MAF: variants seen among roughly 807,000 people sequenced by gnomAD.
MAF encodes the protein transcription factor Maf.
In MAF, 10 loss-of-function variants were observed where a neutral mutation model predicts 22.0. The ratio of observed to expected loss-of-function variants is 0.45; its 90% CI spans 0.28 to 0.77. The LOEUF is 0.77. Ranked by LOEUF, MAF falls within the 30% of genes least tolerant of loss-of-function variation. MAF has a pLI of 0.12. For synonymous variants in MAF, 337 were observed against 255.8 expected (o/e 1.32, Z -3.03); for missense variants, 544 against 548.4 (o/e 0.99, Z 0.08).
chr16:79,431,667 G>C, the MAF span, among the ~76,000 whole-genome samples: 1 of 152,158 alleles, frequency 6.6e-6, no homozygotes, highest in South Asian at 2.1e-4. Context: ...ATGCTAACCT[G>C]TGTTTTCCGA....
At chr16:79,447,426 G>A in the MAF span, among the ~76,000 whole-genome samples, 7 of 152,242 alleles carry the variant, frequency 4.6e-5, no homozygotes, top group Middle Eastern at 3.4e-3. Context: ...TGTACAAGGT[G>A]ATGGATGTTG....
chr16:79,441,452 C>G, the MAF span, among the ~76,000 whole-genome samples: 6 of 152,204 alleles, frequency 3.9e-5, no homozygotes, highest in Non-Finnish European at 8.8e-5. Flanking sequence ...CCACTCAGCT[C>G]TGCTGTTGAA....
At chr16:79,328,321 G>A in the MAF span, among the ~76,000 whole-genome samples, 2 of 151,934 alleles carry the variant, frequency 1.3e-5, no homozygotes, top group Non-Finnish European at 2.9e-5. Context: ...GCATTTGGAA[G>A]AGCCTAGAGA....
the MAF span, among the ~76,000 whole-genome samples, chr16:79,532,837 G>A: frequency 6.6e-6 from 1 of 152,138 alleles, no homozygotes; most frequent in African/African-American, 2.4e-5. Context: ...ACCTTGTCTC[G>A]CCCTCCCCAA....
the MAF span, among the ~76,000 whole-genome samples, chr16:79,546,767 A>C: frequency 4.6e-5 from 7 of 152,272 alleles, no homozygotes; most frequent in African/African-American, 1.7e-4. Context: ...TCGTGTGCAT[A>C]TGTGTGACCC....
chr16:79,438,937 G>T, the MAF span, among the ~76,000 whole-genome samples: 1 of 152,110 alleles, frequency 6.6e-6, no homozygotes, highest in African/African-American at 2.4e-5. Flanking sequence ...TCCTCATCAT[G>T]TGAGAGACTG....
At chr16:79,433,036 G>A in the MAF span, among the ~76,000 whole-genome samples, 1 of 152,116 alleles carries the variant, frequency 6.6e-6, no homozygotes, top group Non-Finnish European at 1.5e-5. Context: ...CTTCCTTCAT[G>A]TAACTGACTA....
At chr16:79,508,852 AGGCTCGG>A in the MAF span, among the ~76,000 whole-genome samples, 2 of 152,152 alleles carry the variant, frequency 1.3e-5, no homozygotes, top group Non-Finnish European at 2.9e-5. Flanking sequence ...ACAGTTCCCA[AGGCTCGG>A]GGAGAGGGAA....
the MAF span, among the ~76,000 whole-genome samples, chr16:79,290,316 T>C: frequency 1.5e-4 from 23 of 152,324 alleles, no homozygotes; most frequent in African/African-American, 5.5e-4. Context: ...GCTTTTCATA[T>C]TAATTTCCCA....
chr16:79,570,750 G>A, the MAF span, among the ~76,000 whole-genome samples: 8 of 152,178 alleles, frequency 5.3e-5, no homozygotes, highest in Non-Finnish European at 1.2e-4. Flanking sequence ...CCCAGATGTG[G>A]AATTGAGAAG....
At chr16:79,423,929 G>A in the MAF span, among the ~76,000 whole-genome samples, 2 of 152,272 alleles carry the variant, frequency 1.3e-5, no homozygotes, top group South Asian at 4.1e-4. Context: ...AAAATGGAAA[G>A]AAAACCAATT....
chr16:79,271,826 G>A, the MAF span, among the ~76,000 whole-genome samples: 1 of 152,230 alleles, frequency 6.6e-6, no homozygotes, highest in East Asian at 1.9e-4. Context: ...TATGGAGCTT[G>A]GTGGCACCAC....
At chr16:79,382,335 G>C in the MAF span, among the ~76,000 whole-genome samples, 4 of 152,178 alleles carry the variant, frequency 2.6e-5, no homozygotes, top group Admixed American at 6.5e-5. Flanking sequence ...ATTTAATGGA[G>C]AATGCATATG....
chr16:79,389,976 C>CAAAAAAAAA, the MAF span, among the ~76,000 whole-genome samples: 2 of 62,964 alleles, frequency 3.2e-5, no homozygotes, highest in African/African-American at 6.9e-5. Context: ...GACTCCATCT[C>CAAAAAAAAA]AAAAAAAAAA....
chr16:79,337,557 G>C, the MAF span, among the ~76,000 whole-genome samples: 1 of 79,676 alleles, frequency 1.3e-5, no homozygotes, highest in African/African-American at 5.0e-5. Context: ...GACAGAGCGA[G>C]ATTCCGTCTC....
chr16:79,444,537 G>A, the MAF span, among the ~76,000 whole-genome samples: 1 of 152,048 alleles, frequency 6.6e-6, no homozygotes, highest in Admixed American at 6.6e-5. Context: ...CATCTTAAAG[G>A]GCCATACTGA....
At chr16:79,529,680 G>A in the MAF span, among the ~76,000 whole-genome samples, 119 of 152,306 alleles carry the variant, frequency 7.8e-4, no homozygotes, top group Middle Eastern at 6.8e-3. Flanking sequence ...ATTATTTTAG[G>A]CTGGGCGCGG....
At chr16:79,334,694 C>A in the MAF span, among the ~76,000 whole-genome samples, 1 of 152,084 alleles carries the variant, frequency 6.6e-6, no homozygotes, top group Non-Finnish European at 1.5e-5. Flanking sequence ...TGTACAGAGC[C>A]CATACCCATG....
chr16:79,551,697 A>G, the MAF span, among the ~76,000 whole-genome samples: 8 of 152,336 alleles, frequency 5.3e-5, no homozygotes, highest in African/African-American at 1.9e-4. Context: ...TTTGAAGTCA[A>G]AAGAATAGTA....
Sources: gnomAD v4.1 joint callset for allele counts (sites outside exome capture counted in the v4.1 genomes callset) on GRCh38, gnomAD v4.1.1 for gene constraint, MANE v1.5 for transcripts, NCBI Gene and HGNC (gene_info 2026-07-23, HGNC 2026-07-21) for gene names.